Variants in NICN1 observed in about 807,000 individuals in gnomAD.
NICN1 encodes the protein nicolin 1, tubulin polyglutamylase complex subunit.
In NICN1, 18 loss-of-function variants were observed where a neutral mutation model predicts 26.3. The ratio of observed to expected loss-of-function variants is 0.68; its 90% CI spans 0.47 to 1.01. The LOEUF (loss-of-function observed/expected upper bound fraction) is 1.01, where lower values mean the gene tolerates loss of function less well. Among genes scored for constraint, NICN1 ranks in the 50% least tolerant of loss-of-function variants. The probability of loss-of-function intolerance (pLI) is 0.00; values close to 1 mark genes in which losing one functional copy is unlikely to be tolerated. For missense variants in NICN1, 239 were observed against 278.3 expected (o/e 0.86, Z 1.00); for synonymous variants, 109 against 111.0 (o/e 0.98, Z 0.11).
chr3:49,425,247 G>A, intron 4 of NICN1, 120 bp downstream of exon 4: 4 of 902,932 alleles, frequency 4.4e-6, no homozygotes, highest in South Asian at 2.8e-5. Flanking sequence ...ATACCCAGGA[G>A]GAAGATAACA....
chr3:49,422,488 A>C lies in NICN1; in HGVS notation c.*2345T>G. 6.3e-7 allele frequency: 1 copy of C among 1,597,544 alleles called. No homozygotes were observed. The highest frequency in any genetic ancestry group is 8.6e-7 in the Non-Finnish European group (1 of 1,168,432). ...CGAGTGCAGACGGCGCACAGAGGCC[A>C]CCACACTGCCAGGCACGCCGGGAGA... On this transcript the variant is annotated 3_prime_UTR_variant, in exon 6 of 6. Transcript: ENST00000273598.
At chr3:49,426,523 CCTTTT>C (rs1460340483) in intron 1 of NICN1, 95 bp from the exon 2 acceptor site, 36 of 895,734 alleles carry the variant, frequency 4.0e-5, no homozygotes, top group Admixed American at 5.3e-5. Context: ...CTTCTCCCCA[CCTTTT>C]CTTTTTTTTT....
rs1362033663 is a variant in NICN1 at position 49,424,577 on chromosome 3, C to A, written c.*256G>T. 13 of 595,062 alleles carry A rather than the reference C, an allele frequency of 2.2e-5. No homozygotes were observed. The highest frequency in any genetic ancestry group is 3.9e-5 in the Non-Finnish European group (13 of 334,594). 36.9% of individuals were successfully genotyped at this position (595,062 alleles called of 1,614,324 possible). On this transcript the variant is annotated 3_prime_UTR_variant, in exon 6 of 6. Transcript: ENST00000273598. ...GGCACTCAGGGATTCTCAGTAAGTA[C>A]AACTGACTGGAGTGTTTTTGGGTAG... is the stretch of plus-strand genomic sequence containing the variant.
In NICN1 at chr3:49,422,442, C is replaced by A. The variant is rs757040449; in HGVS notation, c.*2391G>T. The A allele has an allele frequency of 6.2e-6, 10 of 1,613,350 alleles. No homozygotes were observed. The highest frequency in any genetic ancestry group is 8.5e-6 in the Non-Finnish European group (10 of 1,179,962). On this transcript the variant is annotated 3_prime_UTR_variant, in exon 6 of 6. Transcript: ENST00000273598. Reference sequence around the variant, plus strand: ...CCAGACGGGCCACCACACTTACAGCCCTCTGCATCGTCGCCTGCAACGAGT... The same window carrying A: ...CCAGACGGGCCACCACACTTACAGCACTCTGCATCGTCGCCTGCAACGAGT...
rs2049140085 is a variant in NICN1 at position 49,423,231 on chromosome 3, T to C, written c.*1602A>G. ...TGTTGAGCCACACACATGTCCAACT[T>C]TCCAGGTCCAAGACATACTGCAGTA... is the stretch of plus-strand genomic sequence containing the variant. On this transcript the variant is annotated 3_prime_UTR_variant, in exon 6 of 6. Coordinates refer to ENST00000273598, the MANE Select transcript of NICN1 (RefSeq NM_032316.3). The C allele has an allele frequency of 6.5e-6, 1 of 153,452 alleles. No homozygotes were observed. Among genetic ancestry groups the C allele is most frequent in the Non-Finnish European group, 1.4e-5 (1 of 69,136 alleles). 9.5% of individuals were successfully genotyped at this position (153,452 alleles called of 1,614,324 possible).
In NICN1 at chr3:49,429,220, G is replaced by T; in HGVS notation, c.20C>A (p.Pro7His). 1 of 1,607,516 alleles carries T rather than the reference G, an allele frequency of 6.2e-7. No individual in the cohort carries two copies. The highest frequency in any genetic ancestry group is 1.1e-5 in the South Asian group (1 of 90,570). ...GGCTACGGAGCCTTTCACATGGCAAGGCACCAAAACGCGGGACATGGTGAC... is the reference window on the plus strand; with the variant it reads ...GGCTACGGAGCCTTTCACATGGCAATGCACCAAAACGCGGGACATGGTGAC... MSRVLV[P>H]CHVKGSVALQ... Residue 7 changes from proline (P) to histidine (H), a missense_variant, in exon 1 of 6, where the codon CCT becomes CAT. By Grantham distance (77) the Pro-to-His change is moderately conservative (BLOSUM62 -2). Transcript: ENST00000273598.
rs963035413 is a variant in NICN1 at position 49,425,437 on chromosome 3, C to G, written c.425G>C (p.Ser142Thr). 1.9e-6 allele frequency: 3 copies of G among 1,609,492 alleles called. No individual in the cohort carries two copies. In the East Asian group the frequency reaches 6.7e-5, roughly 36 times the overall value. ...ELQIYQQGPKSPSVTFPKWLS... is the reference protein window; with the variant it reads ...ELQIYQQGPKTPSVTFPKWLS... ...CCACTTGGGAAAGGTCACGGAGGGG[C>G]TCTGCAAAGCAAAGATGTACTGCCC... Residue 142 changes from serine (S) to threonine (T), a missense_variant and splice_region_variant, in exon 4 of 6, where the codon AGC becomes ACC. Physicochemically the swap from Ser to Thr is moderately conservative, Grantham distance 58. Coordinates refer to ENST00000273598, the MANE Select transcript of NICN1 (RefSeq NM_032316.3).
chr3:49,425,136 G>C (rs1478442512), intron 4 of NICN1, 83 bp from the exon 5 acceptor site: 2 of 1,158,518 alleles, frequency 1.7e-6, no homozygotes, highest in Non-Finnish European at 2.6e-6. Context: ...CCTGGGCTAG[G>C]GGCCCTCCAG....
chr3:49,428,867 C>A (rs1032626898), intron 1 of NICN1, among the ~76,000 whole-genome samples: 3 of 152,174 alleles, frequency 2.0e-5, no homozygotes, highest in African/African-American at 7.2e-5. Context: ...CCACTCTCGC[C>A]ACCTGCATGC....
Position 49,425,164 on chromosome 3 carries a change from C to G in NICN1, c.496-111G>C, listed in dbSNP as rs1439670333. The G allele has an allele frequency of 8.8e-6, 8 of 904,878 alleles. No homozygotes were observed. The African/African-American group carries it at 9.9e-5, about 11-fold the overall frequency. 56.1% of individuals were successfully genotyped at this position (904,878 alleles called of 1,614,324 possible). On this transcript the variant is annotated intron_variant, in intron 4 of 5. Transcript: ENST00000273598. ...CCCTCCAGCTGAGACCAACAACATT[C>G]TCAGATGGCTTATGAAACATGAGGT...
chr3:49,427,644 G>GAAAAAAA (rs58773326), intron 1 of NICN1, among the ~76,000 whole-genome samples: 1 of 102,822 alleles, frequency 9.7e-6, no homozygotes, highest in Non-Finnish European at 1.9e-5. Context: ...CTACCTCTCA[G>GAAAAAAA]AAAAAAAAAA....
In NICN1 at chr3:49,426,374, G is replaced by C. The variant is rs1469024205; in HGVS notation, c.187C>G (p.Arg63Gly). ...GGTGTGTGTGCTGAGGTGTACTGAC[G>C]GACACGGATGCTCAAAAAAGCTGTG... ...YYTAFLSIRVRQYTSAHTPAK... is the reference protein window; with the variant it reads ...YYTAFLSIRVGQYTSAHTPAK... The change falls in exon 2 of 6, where the codon CGT (arginine) becomes GGT (glycine). Residue 63 changes from arginine (R) to glycine (G), a missense_variant. Coordinates refer to ENST00000273598, the MANE Select transcript of NICN1 (RefSeq NM_032316.3). The C allele has an allele frequency of 3.1e-6, 5 of 1,614,094 alleles. No individual in the cohort carries two copies. In the East Asian group the frequency reaches 8.9e-5, roughly 29 times the overall value.
chr3:49,429,046 C>A, intron 1 of NICN1, 62 bp downstream of exon 1: 1 of 1,486,382 alleles, frequency 6.7e-7, no homozygotes, highest in East Asian at 2.5e-5. Context: ...GCCTGGGAAA[C>A]GACCGAGATT....
At chr3:49,425,260 C>A (rs900553607) in intron 4 of NICN1, 107 bp downstream of exon 4, 1 of 999,756 alleles carries the variant, frequency 1.0e-6, no homozygotes, top group Non-Finnish European at 1.6e-6. Flanking sequence ...AGATAACACC[C>A]AAGGGCCCTG....
chr3:49,424,792 G>T lies in NICN1; in HGVS notation c.*41C>A. On this transcript the variant is annotated 3_prime_UTR_variant, in exon 6 of 6. Transcript: ENST00000273598. ...CTCTGGTGGCCCAAACCAAGTCTGG[G>T]TGGGCACAGAAAGGCCAACATCTTG... The T allele has an allele frequency of 1.9e-6, 3 of 1,580,774 alleles. No individual in the cohort carries two copies. Among genetic ancestry groups the T allele is most frequent in the Middle Eastern group, 1.7e-4 (1 of 5,956 alleles).
chr3:49,425,311 C>T (rs561472758), intron 4 of NICN1, 56 bp downstream of exon 4: 1 of 1,441,484 alleles, frequency 6.9e-7, no homozygotes, highest in South Asian at 1.2e-5. Flanking sequence ...TCTACCTGGC[C>T]TGTGTTGGAC....
chr3:49,428,034 C>A (rs1342272744), intron 1 of NICN1, among the ~76,000 whole-genome samples: 1 of 152,086 alleles, frequency 6.6e-6, no homozygotes, highest in Non-Finnish European at 1.5e-5. Context: ...GCCTGTCCCA[C>A]ATGGTGAAAC....
intron 1 of NICN1, 59 bp from the exon 2 acceptor site, chr3:49,426,487 T>A: frequency 7.9e-7 from 1 of 1,268,086 alleles, no homozygotes; most frequent in Non-Finnish European, 1.1e-6. Context: ...CCTGAAAAGC[T>A]CAAAGATCAA....
At position 49,429,164 on chromosome 3, in the gene NICN1, C is replaced by T; in HGVS notation, c.76G>A (p.Gly26Ser). The stretch of plus-strand genomic sequence containing the variant: ...TCGATGACCAGCACGCCAGGCCGGC[C>T]TTGGGAGGTCCGCACGTCGCCCACC... ...LQVGDVRTSQGRPGVLVIDVT... is the reference protein window; with the variant it reads ...LQVGDVRTSQSRPGVLVIDVT... The change falls in exon 1 of 6, where the codon GGC becomes AGC. Residue 26 changes from glycine (G) to serine (S), a missense_variant. Transcript: ENST00000273598. 1 of 1,611,506 alleles carries T rather than the reference C, an allele frequency of 6.2e-7. No homozygotes were observed. The highest frequency in any genetic ancestry group is 8.5e-7 in the Non-Finnish European group (1 of 1,178,964).
Sources: gnomAD v4.1 joint callset for allele counts (sites outside exome capture counted in the v4.1 genomes callset) on GRCh38, gnomAD v4.1.1 for gene constraint, MANE v1.5 for transcripts, NCBI Gene and HGNC (gene_info 2026-07-23, HGNC 2026-07-21) for gene names.